THSD7B: variants seen among roughly 807,000 people sequenced by gnomAD.
The protein encoded by THSD7B is thrombospondin type 1 domain containing 7B, also known as thrombospondin type-1 domain-containing protein 7B.
In THSD7B, 138 loss-of-function variants were observed where a neutral mutation model predicts 213.6. That is an observed-to-expected ratio of 0.65 (90% CI 0.56 to 0.74). THSD7B has a LOEUF of 0.74. Among genes scored for constraint, THSD7B ranks in the 30% least tolerant of loss-of-function variants. THSD7B has a pLI of 0.00. For synonymous variants in THSD7B, 742 were observed against 687.0 expected, an observed-to-expected ratio of 1.08 and a Z score of -1.25; for missense variants, 1,931 against 1,991.5, an observed-to-expected ratio of 0.97 and a Z score of 0.58.
intron 1 of THSD7B, among the ~76,000 whole-genome samples, chr2:136,802,104 T>C (rs1165539791): frequency 6.6e-6 from 1 of 152,072 alleles, no homozygotes; most frequent in Non-Finnish European, 1.5e-5. Flanking sequence ...GGATGTATTA[T>C]TCTGTCCCCC....
intron 3 of THSD7B, among the ~76,000 whole-genome samples, chr2:137,079,373 T>C (rs1229990175): frequency 1.3e-5 from 2 of 152,206 alleles, no homozygotes; most frequent in Admixed American, 1.3e-4. Flanking sequence ...CAGCATCTTC[T>C]GTATTTTTCT....
chr2:137,013,440 G>T (rs978561360), intron 2 of THSD7B, among the ~76,000 whole-genome samples: 1 of 152,150 alleles, frequency 6.6e-6, no homozygotes, highest in Non-Finnish European at 1.5e-5. Flanking sequence ...GGAGATCAAG[G>T]CTGCTAGAGT....
chr2:137,317,788 C>T (rs892896036), intron 12 of THSD7B, among the ~76,000 whole-genome samples: 2 of 152,076 alleles, frequency 1.3e-5, no homozygotes, highest in African/African-American at 2.4e-5. Flanking sequence ...CATGGTGGCG[C>T]ACACCTGTAG....
intron 21 of THSD7B, among the ~76,000 whole-genome samples, chr2:137,647,403 C>T (rs967015360): frequency 1.2e-4 from 18 of 151,424 alleles, no homozygotes; most frequent in East Asian, 5.9e-4. Context: ...GTCCCTACTC[C>T]GATCTCTCTC....
chr2:136,988,750 G>A (rs1685712241), intron 2 of THSD7B, among the ~76,000 whole-genome samples: 1 of 152,120 alleles, frequency 6.6e-6, no homozygotes, highest in Admixed American at 6.5e-5. Context: ...CTCCACTCCT[G>A]CTTAACCAAA....
chr2:137,071,428 T>A (rs964472700), intron 3 of THSD7B, among the ~76,000 whole-genome samples: 1 of 152,224 alleles, frequency 6.6e-6, no homozygotes, highest in East Asian at 1.9e-4. Flanking sequence ...TGTAAATTTG[T>A]TTGAGTTCAT....
chr2:137,061,226 C>T (rs1687264117), intron 3 of THSD7B, among the ~76,000 whole-genome samples: 1 of 151,322 alleles, frequency 6.6e-6, no homozygotes, highest in African/African-American at 2.4e-5. Flanking sequence ...CACTTATTAT[C>T]CAGAGATTTT....
rs1573741245 is a variant in THSD7B, at chr2:137,609,586, G to A, written c.3424-6589G>A. ...GGCAGATAGTGTAAGGAGGTGAATG[G>A]GCAGATTGTGTAAGCAGGCTATGAG... On this transcript the variant is annotated intron_variant, in intron 17 of 27. Transcript: ENST00000409968. 2.0e-5 allele frequency among the ~76,000 whole-genome samples: 3 copies of A among 152,268 alleles called. No homozygotes were observed. In the South Asian group the frequency reaches 6.2e-4, roughly 32 times the overall value.
chr2:137,111,581 G>A (rs893952404), intron 4 of THSD7B, among the ~76,000 whole-genome samples: 1 of 152,134 alleles, frequency 6.6e-6, no homozygotes, highest in Non-Finnish European at 1.5e-5. Flanking sequence ...GTTGCTGGGA[G>A]GATTAAATGA....
At chr2:136,782,271 A>G (rs1681756223) in intron 1 of THSD7B, among the ~76,000 whole-genome samples, 1 of 151,818 alleles carries the variant, frequency 6.6e-6, no homozygotes, top group African/African-American at 2.4e-5. Context: ...TTTGTGTATT[A>G]CTACCTTGCT....
chr2:136,982,285 G>A (rs138601463), intron 2 of THSD7B, among the ~76,000 whole-genome samples: 1 of 148,984 alleles, frequency 6.7e-6, no homozygotes. Flanking sequence ...ATAAAATAAG[G>A]CTCTTACATT....
chr2:137,130,713 A>C (rs954757320), intron 5 of THSD7B, among the ~76,000 whole-genome samples: 9 of 150,326 alleles, frequency 6.0e-5, no homozygotes, highest in East Asian at 4.0e-4. Flanking sequence ...TGAAGTCATC[A>C]TTTTTTATGG....
chr2:136,832,579 G>A (rs547707665), intron 1 of THSD7B, among the ~76,000 whole-genome samples: 21 of 152,162 alleles, frequency 1.4e-4, no homozygotes, highest in African/African-American at 4.6e-4. Flanking sequence ...TCTACACTGG[G>A]CACCCAATCT....
intron 3 of THSD7B, among the ~76,000 whole-genome samples, chr2:137,079,384 A>C (rs551778823): frequency 6.6e-6 from 1 of 152,188 alleles, no homozygotes; most frequent in East Asian, 1.9e-4. Context: ...GTATTTTTCT[A>C]CACATAGTTG....
At chr2:136,841,122 A>G (rs1422835147) in intron 1 of THSD7B, among the ~76,000 whole-genome samples, 2 of 152,154 alleles carry the variant, frequency 1.3e-5, no homozygotes, top group African/African-American at 4.8e-5. Flanking sequence ...CATTTTACAT[A>G]CCAGTAACTG....
At chr2:136,881,800 C>G (rs1449656519) in intron 1 of THSD7B, among the ~76,000 whole-genome samples, 1 of 152,106 alleles carries the variant, frequency 6.6e-6, no homozygotes, top group Non-Finnish European at 1.5e-5. Context: ...CAAGTAACTA[C>G]TTTGGATCCT....
intron 27 of THSD7B, among the ~76,000 whole-genome samples, chr2:137,671,536 G>A (rs556493553): frequency 1.3e-5 from 2 of 152,262 alleles, no homozygotes; most frequent in Admixed American, 1.3e-4. Context: ...AGGCAAAGGA[G>A]AAACAGGCAC....
At chr2:136,777,208 AT>A (rs1343162484) in intron 1 of THSD7B, among the ~76,000 whole-genome samples, 1 of 152,160 alleles carries the variant, frequency 6.6e-6, no homozygotes, top group Non-Finnish European at 1.5e-5. Context: ...TGGGAAAGAA[AT>A]GAAACGGTGG....
Position 137,056,566 on chromosome 2 carries a change from G to A in THSD7B, c.286G>A (p.Val96Ile). 1.2e-6 allele frequency: 2 copies of A among 1,613,952 alleles called. No homozygotes were observed. Among genetic ancestry groups the A allele is most frequent in the East Asian group, 2.2e-5 (1 of 44,862 alleles). ...RPPKERSCFRVCDWHSDLFQW... is the reference protein window; with the variant it reads ...RPPKERSCFRICDWHSDLFQW... ...TCCAAAGGAAAGAAGTTGTTTCCGA[G>A]TTTGTGACTGGCACAGTGACCTCTT... The change falls in exon 3 of 28, where the codon GTT (valine) becomes ATT (isoleucine). Residue 96 changes from valine to isoleucine, a missense_variant. Transcript: ENST00000409968.
Sources: gnomAD v4.1 joint callset for allele counts (sites outside exome capture counted in the v4.1 genomes callset) on GRCh38, gnomAD v4.1.1 for gene constraint, MANE v1.5 for transcripts, NCBI Gene and HGNC (gene_info 2026-07-23, HGNC 2026-07-21) for gene names.